Variants in RCC2 observed in about 807,000 individuals in gnomAD.
RCC2 encodes the protein regulator of chromosome condensation 2, also known as protein RCC2.
Under a neutral mutation model 64.1 loss-of-function variants are expected in RCC2, and 19 were observed. The observed-to-expected ratio is 0.30, with a 90% CI of 0.21 to 0.44. The LOEUF (loss-of-function observed/expected upper bound fraction) is 0.44, where lower values mean the gene tolerates loss of function less well. RCC2 is among the 20% of genes least tolerant of loss of function. The pLI is 1.00. For synonymous variants in RCC2, 325 were observed against 279.6 expected (o/e 1.16, Z -1.62); for missense variants, 508 against 710.4 (o/e 0.72, Z 3.24).
Position 17,416,519 on chromosome 1 carries a change from G to A in RCC2, c.987C>T (p.Asn329=). ...CACAGGCCACGTCTCGTACAACCACGTTTGGTACAGGCAGAATCTGTCCAT... is the reference window on the plus strand; with the variant it reads ...CACAGGCCACGTCTCGTACAACCACATTTGGTACAGGCAGAATCTGTCCAT... ...TKDGQILPVP[N]VVVRDVACGA... Residue 329 remains asparagine, a synonymous_variant, in exon 8 of 13, where the codon AAC becomes AAT. Transcript: ENST00000375436. The A allele has an allele frequency of 2.5e-6, 4 of 1,613,776 alleles. No individual in the cohort carries two copies. Among genetic ancestry groups the A allele is most frequent in the Middle Eastern group, 1.7e-4 (1 of 5,764 alleles).
rs2075396075 is a variant in RCC2 at position 17,409,023 on chromosome 1, C to T, written c.*67G>A. ...TTTTTAAATTCCTCGTTTGACTTCC[C>T]GTCCCAGTGCACATGGAAATGACAG... On this transcript the variant is annotated 3_prime_UTR_variant, in exon 13 of 13. Coordinates refer to ENST00000375436, the MANE Select transcript of RCC2 (RefSeq NM_018715.4). 13 of 1,197,118 alleles carry T rather than the reference C, an allele frequency of 1.1e-5. No homozygotes were observed. The highest frequency in any genetic ancestry group is 1.7e-5 in the Admixed American group (1 of 57,908). The allele number at this position is 1,197,118 out of a possible 1,614,324, so 74.2% of individuals were successfully genotyped here.
At position 17,408,819 on chromosome 1, in the gene RCC2, G is replaced by A. The variant is rs1212673662; in HGVS notation, c.*271C>T. ...AAAAAAAAAACCTAGATTGCTCAAA[G>A]TTTCTGCCTCTTTTGTAGGAATGGT... On this transcript the variant is annotated 3_prime_UTR_variant, in exon 13 of 13. Coordinates refer to ENST00000375436, the MANE Select transcript of RCC2 (RefSeq NM_018715.4). 11 of 378,848 alleles carry A rather than the reference G, an allele frequency of 2.9e-5. No homozygotes were observed. Among genetic ancestry groups the A allele is most frequent in the Non-Finnish European group, 5.2e-5 (11 of 211,400 alleles). 23.5% of individuals were successfully genotyped at this position (378,848 alleles called of 1,614,324 possible). A position where few individuals can be genotyped will look rare whatever the true frequency, so the allele number is the denominator to read the frequency against.
intron 11 of RCC2, among the ~76,000 whole-genome samples, chr1:17,410,859 A>G (rs563258053): frequency 1.2e-4 from 19 of 152,118 alleles, no homozygotes; most frequent in Non-Finnish European, 2.4e-4. Flanking sequence ...TTCAAAATTT[A>G]TATTTAGAAG....
At chr1:17,420,923 C>A (rs1387637197) in intron 6 of RCC2, 95 bp from the exon 7 acceptor site, 10 of 768,284 alleles carry the variant, frequency 1.3e-5, no homozygotes. Flanking sequence ...TACTAGGTTA[C>A]AAACGGAAGT....
At chr1:17,421,356 G>T (rs866274637) in intron 6 of RCC2, among the ~76,000 whole-genome samples, 1 of 152,022 alleles carries the variant, frequency 6.6e-6, no homozygotes. Flanking sequence ...TTAGCCAGGC[G>T]TGGTGGAGCA....
rs766052921 is a variant in RCC2, at chr1:17,425,671, A to G, written c.393T>C (p.Asn131=). The G allele has an allele frequency of 5.0e-6, 8 of 1,611,756 alleles. No individual in the cohort carries two copies. Among genetic ancestry groups the G allele is most frequent in the Non-Finnish European group, 6.8e-6 (8 of 1,178,198 alleles). The change falls in exon 4 of 13, where the codon AAT becomes AAC. Residue 131 remains asparagine (N), a synonymous_variant. Coordinates refer to ENST00000375436, the MANE Select transcript of RCC2 (RefSeq NM_018715.4). The stretch of plus-strand genomic sequence containing the variant: ...GGGGCCCCCACAAATTCTGACCGAG[A>G]TTGCGGTAAGCAGCTGCAGAGAGAA... ...EVPKQQAAYR[N]LGQNLWGPHR...
At chr1:17,414,632 G>A (rs1190697878) in intron 8 of RCC2, among the ~76,000 whole-genome samples, 3 of 150,658 alleles carry the variant, frequency 2.0e-5, no homozygotes, top group Admixed American at 6.6e-5. Flanking sequence ...TGGATTTTTC[G>A]TTTCTTTTCC....
chr1:17,427,886 G>A (rs547682145), intron 3 of RCC2, among the ~76,000 whole-genome samples: 1 of 152,148 alleles, frequency 6.6e-6, no homozygotes, highest in Non-Finnish European at 1.5e-5. Flanking sequence ...CAGGCTCTGC[G>A]GTCAGACTGA....
intron 4 of RCC2, 52 bp downstream of exon 4, chr1:17,425,489 G>C (rs1399413038): frequency 6.6e-7 from 1 of 1,519,874 alleles, no homozygotes; most frequent in Non-Finnish European, 8.9e-7. Flanking sequence ...GTGCTGTGTG[G>C]GGACAGCTGG....
intron 3 of RCC2, among the ~76,000 whole-genome samples, chr1:17,428,298 T>A (rs1333847865): frequency 1.3e-5 from 2 of 152,026 alleles, no homozygotes; most frequent in East Asian, 3.8e-4. Context: ...TGGCCCCCTC[T>A]GGCTTGGGCC....
chr1:17,422,056 A>G, intron 6 of RCC2, 147 bp downstream of exon 6: 1 of 545,412 alleles, frequency 1.8e-6, no homozygotes, highest in East Asian at 3.1e-5. Flanking sequence ...AAAAACAAAC[A>G]AAAAAACTCT....
chr1:17,418,508 T>G (rs1228862866), intron 7 of RCC2, among the ~76,000 whole-genome samples: 1 of 151,906 alleles, frequency 6.6e-6, no homozygotes, highest in Non-Finnish European at 1.5e-5. Context: ...AATACAAAAA[T>G]TAGCCAGGTG....
intron 11 of RCC2, 87 bp from the exon 12 acceptor site, chr1:17,410,138 C>A: frequency 8.2e-7 from 1 of 1,217,286 alleles, no homozygotes; most frequent in East Asian, 2.5e-5. Context: ...TCCTGGCCCC[C>A]ACTAACCAGA....
At chr1:17,430,621 A>C (rs2075665612) in intron 2 of RCC2, among the ~76,000 whole-genome samples, 1 of 152,114 alleles carries the variant, frequency 6.6e-6, no homozygotes, top group Non-Finnish European at 1.5e-5. Flanking sequence ...CCCCGTCTCT[A>C]CTAAAAATAC....
intron 12 of RCC2, among the ~76,000 whole-genome samples, chr1:17,409,424 A>C (rs181204233): frequency 3.9e-5 from 6 of 152,362 alleles, no homozygotes; most frequent in Admixed American, 3.9e-4. Context: ...AGCTGGAAGG[A>C]AGCCCACTGG....
rs746455650 is a variant in RCC2 at position 17,438,383 on chromosome 1, G to A, written c.132C>T (p.Ser44=). The change falls in exon 2 of 13, where the codon AGC becomes AGT. Residue 44 remains serine, a synonymous_variant. Transcript: ENST00000375436. ...CGCCGCTGCTGCCGCCGCCGCTGCT[G>A]CTACTGCAGCGCTCGGGCCGCTCGC... ...RKRERPERCS[S]SSGGGSSGDE... 845 of 1,249,524 alleles carry A rather than the reference G, an allele frequency of 6.8e-4. 1 individual carries two copies. The highest frequency in any genetic ancestry group is 8.1e-4 in the Non-Finnish European group (810 of 1,001,010). 77.4% of individuals were successfully genotyped at this position (1,249,524 alleles called of 1,614,324 possible). A position where few individuals can be genotyped will look rare whatever the true frequency, so the allele number is the denominator to read the frequency against.
intron 6 of RCC2, 22 bp from the exon 7 acceptor site, chr1:17,420,850 CTT>C (rs533684481): frequency 2.3e-5 from 35 of 1,520,496 alleles, no homozygotes; most frequent in Non-Finnish European, 2.9e-5. Context: ...AGAAAGGAGA[CTT>C]TCATTTTTTT....
Position 17,438,253 on chromosome 1 carries a change from GT to G in RCC2, c.261del (p.Glu87AspfsTer21). 7.5e-7 allele frequency: 1 copy of G among 1,334,152 alleles called. No individual in the cohort carries two copies. The allele number at this position is 1,334,152 out of a possible 1,614,324, so 82.6% of individuals were successfully genotyped here. On this transcript the variant is annotated frameshift_variant, in exon 2 of 13. Transcript: ENST00000375436. LOFTEE classifies it high-confidence loss of function. ...ACGACGCGCTCCTTGGTGTGCTCGG[GT>G]TCGGTGATGACCACGGCCGCGCCGC... Reference protein sequence around the residue: ...KAGGAAVVITEPEHTKERVKL... With the variant: ...KAGGAAVVITXPEHTKERVKL...
intron 2 of RCC2, among the ~76,000 whole-genome samples, chr1:17,432,801 T>C (rs1370897302): frequency 2.0e-5 from 3 of 151,950 alleles, no homozygotes; most frequent in African/African-American, 7.3e-5. Context: ...CCAATAAAAA[T>C]GTATTTGTGG....
Sources: gnomAD v4.1 joint callset for allele counts (sites outside exome capture counted in the v4.1 genomes callset) on GRCh38, gnomAD v4.1.1 for gene constraint, MANE v1.5 for transcripts, NCBI Gene and HGNC (gene_info 2026-07-23, HGNC 2026-07-21) for gene names.